AOPEP: variants seen among roughly 807,000 people sequenced by gnomAD.
AOPEP encodes aminopeptidase O (putative).
AOPEP carries 77 observed loss-of-function variants against 98.1 expected under a neutral mutation model. The observed-to-expected ratio is 0.78, with a 90% CI of 0.65 to 0.95. The LOEUF (loss-of-function observed/expected upper bound fraction) is 0.95, where lower values mean the gene tolerates loss of function less well. Ranked by LOEUF, AOPEP falls within the 40% of genes least tolerant of loss-of-function variation. The pLI is 0.00. For missense variants in AOPEP, 1,024 were observed against 1,024.7 expected (o/e 1.00, Z 0.01); for synonymous variants, 346 against 365.3 (o/e 0.95, Z 0.60).
chr9:94,989,766 C>T (rs560462782), intron 11 of AOPEP, among the ~76,000 whole-genome samples: 152 of 151,954 alleles, frequency 1.0e-3, no homozygotes, highest in African/African-American at 3.6e-3. Flanking sequence ...CACTAGCCAC[C>T]ATACTCGGCT....
At chr9:94,731,746 T>C (rs1393425831) in intron 1 of AOPEP, among the ~76,000 whole-genome samples, 1 of 151,354 alleles carries the variant, frequency 6.6e-6, no homozygotes, top group African/African-American at 2.4e-5. Context: ...TCTTAGAAGG[T>C]TTTTTTTCCC....
At chr9:95,144,624 G>C in the AOPEP span, among the ~76,000 whole-genome samples, 2 of 152,298 alleles carry the variant, frequency 1.3e-5, no homozygotes, top group East Asian at 3.9e-4. Context: ...AGTAAGGCTA[G>C]ACACGGGGGT....
chr9:95,043,425 C>G (rs1253172550), intron 13 of AOPEP, among the ~76,000 whole-genome samples: 1 of 151,982 alleles, frequency 6.6e-6, no homozygotes, highest in African/African-American at 2.4e-5. Flanking sequence ...TTCAGTGTGA[C>G]ATAAAACTAA....
At chr9:95,111,304 C>T in the AOPEP span, 5 of 1,586,882 alleles carry the variant, frequency 3.2e-6, no homozygotes, top group Non-Finnish European at 3.4e-6. Flanking sequence ...GACCACAAGG[C>T]TGGAGATCAC....
At chr9:95,049,432 A>G (rs1281357209) in intron 13 of AOPEP, among the ~76,000 whole-genome samples, 1 of 152,210 alleles carries the variant, frequency 6.6e-6, no homozygotes, top group African/African-American at 2.4e-5. Context: ...TTTTTAAAAG[A>G]TAAATTCTTA....
At chr9:94,808,350 T>G (rs570732971) in intron 5 of AOPEP, among the ~76,000 whole-genome samples, 1 of 152,328 alleles carries the variant, frequency 6.6e-6, no homozygotes, top group East Asian at 1.9e-4. Flanking sequence ...TCAGCTTTTC[T>G]TTAAGAGAAG....
intron 5 of AOPEP, among the ~76,000 whole-genome samples, chr9:94,910,747 T>C (rs72748593): frequency 0.033 from 4,953 of 152,246 alleles, 205 homozygotes; most frequent in African/African-American, 0.095. Context: ...TCCCTAGATC[T>C]TTTGGCAGTT....
intron 3 of AOPEP, among the ~76,000 whole-genome samples, chr9:94,784,456 C>T (rs982155741): frequency 6.6e-6 from 1 of 152,102 alleles, no homozygotes; most frequent in African/African-American, 2.4e-5. Flanking sequence ...CATGTTCTTC[C>T]TTTTTCCCTC....
chr9:94,756,503 GT>G (rs1255946214), intron 1 of AOPEP, among the ~76,000 whole-genome samples: 1 of 152,180 alleles, frequency 6.6e-6, no homozygotes, highest in African/African-American at 2.4e-5. Context: ...CCCTAGGGAT[GT>G]TTGAATGTTC....
intron 9 of AOPEP, among the ~76,000 whole-genome samples, chr9:94,958,215 C>T (rs1208713745): frequency 6.6e-6 from 1 of 151,966 alleles, no homozygotes; most frequent in Non-Finnish European, 1.5e-5. Flanking sequence ...GCAGCATGTA[C>T]CAGAATTTCT....
At chr9:95,081,160 C>G (rs888876888) in intron 15 of AOPEP, among the ~76,000 whole-genome samples, 2 of 152,186 alleles carry the variant, frequency 1.3e-5, no homozygotes, top group South Asian at 4.1e-4. Flanking sequence ...AGAGCCCCGA[C>G]GGGACAGTCT....
intron 13 of AOPEP, among the ~76,000 whole-genome samples, chr9:95,027,992 C>A (rs2063979090): frequency 6.6e-6 from 1 of 152,204 alleles, no homozygotes; most frequent in South Asian, 2.1e-4. Flanking sequence ...TCAGCAGAAT[C>A]ATGAGCCTCA....
chr9:95,073,559 A>G (rs1223100139), intron 14 of AOPEP, among the ~76,000 whole-genome samples: 7 of 147,188 alleles, frequency 4.8e-5, no homozygotes, highest in South Asian at 2.1e-4. Flanking sequence ...AGTGGCTCAC[A>G]CCTGTAATCC....
intron 5 of AOPEP, among the ~76,000 whole-genome samples, chr9:94,835,438 G>T (rs2041471193): frequency 6.6e-6 from 1 of 152,184 alleles, no homozygotes; most frequent in Non-Finnish European, 1.5e-5. Flanking sequence ...ACAGTGGGGA[G>T]AATCTAGTGA....
rs950192722 is a variant in AOPEP at position 94,923,871 on chromosome 9, T to C, written c.1365-115T>C. 9 of 572,242 alleles carry C rather than the reference T, an allele frequency of 1.6e-5. No homozygotes were observed. In the Admixed American group the frequency reaches 2.2e-4, roughly 14 times the overall value. 35.4% of individuals were successfully genotyped at this position (572,242 alleles called of 1,614,324 possible). A position where few individuals can be genotyped will look rare whatever the true frequency, so the allele number is the denominator to read the frequency against. ...TAAGCCGCAAGCCTATCTGTCATGA[T>C]CTAGCATGCACATGATAATAACAGG... On this transcript the variant is annotated intron_variant, in intron 5 of 16. Coordinates refer to ENST00000375315, the MANE Select transcript of AOPEP (RefSeq NM_001193329.3).
At chr9:95,124,209 TCTC>T in the AOPEP span, among the ~76,000 whole-genome samples, 1 of 151,362 alleles carries the variant, frequency 6.6e-6, no homozygotes, top group South Asian at 2.1e-4. Context: ...GCATTGTAGT[TCTC>T]CTCTCGGAAG....
At chr9:94,943,655 A>G (rs2057277964) in intron 7 of AOPEP, among the ~76,000 whole-genome samples, 1 of 150,556 alleles carries the variant, frequency 6.6e-6, no homozygotes, top group Admixed American at 6.6e-5. Context: ...ACAGTGGCTC[A>G]TGCCTGTAAT....
chr9:94,826,058 A>G (rs1350391339), intron 5 of AOPEP, among the ~76,000 whole-genome samples: 1 of 150,530 alleles, frequency 6.6e-6, no homozygotes, highest in Non-Finnish European at 1.5e-5. Flanking sequence ...TTTTTTTTTT[A>G]TGTCTTCAAA....
At chr9:94,739,759 C>G (rs1352932468) in intron 1 of AOPEP, among the ~76,000 whole-genome samples, 29 of 152,074 alleles carry the variant, frequency 1.9e-4, no homozygotes, top group Admixed American at 1.6e-3. Context: ...CCTTGTTACG[C>G]TAGGCATGAA....
Sources: gnomAD v4.1 joint callset for allele counts (sites outside exome capture counted in the v4.1 genomes callset) on GRCh38, gnomAD v4.1.1 for gene constraint, MANE v1.5 for transcripts, NCBI Gene and HGNC (gene_info 2026-07-23, HGNC 2026-07-21) for gene names.